Variants in CRACD observed in about 807,000 individuals in gnomAD.
The protein encoded by CRACD is capping protein inhibiting regulator of actin dynamics.
CRACD carries 56 observed loss-of-function variants against 106.8 expected under a neutral mutation model. The observed-to-expected ratio is 0.52, with a 90% CI of 0.42 to 0.66. CRACD has a LOEUF of 0.66. CRACD is among the 30% of genes least tolerant of loss of function. The pLI is 0.00. For missense variants in CRACD, 1,730 were observed against 1,623.2 expected, an observed-to-expected ratio of 1.07 and a Z score of -1.13; for synonymous variants, 754 against 670.8, an observed-to-expected ratio of 1.12 and a Z score of -1.92.
intron 1 of CRACD, among the ~76,000 whole-genome samples, chr4:56,098,408 TAC>T (rs1253951511): frequency 6.6e-6 from 1 of 152,250 alleles, no homozygotes; most frequent in African/African-American, 2.4e-5. Context: ...TAACTATATA[TAC>T]ATTTACACTA....
chr4:56,213,917 G>A (rs901449077), intron 2 of CRACD, among the ~76,000 whole-genome samples: 3 of 152,178 alleles, frequency 2.0e-5, no homozygotes, highest in Non-Finnish European at 2.9e-5. Flanking sequence ...ACTGAAATAC[G>A]TTTTTAGGAG....
intron 2 of CRACD, among the ~76,000 whole-genome samples, chr4:56,254,913 G>A (rs1287048055): frequency 2.6e-5 from 4 of 151,612 alleles, no homozygotes; most frequent in Admixed American, 2.0e-4. Context: ...AGACCAGCCT[G>A]GCCAACATGG....
intron 1 of CRACD, among the ~76,000 whole-genome samples, chr4:56,051,972 A>C (rs1433719487): frequency 3.3e-5 from 5 of 152,260 alleles, no homozygotes; most frequent in African/African-American, 1.2e-4. Flanking sequence ...GGCATAGCAC[A>C]ATGTTTAGTA....
At chr4:56,217,587 A>G (rs1738777016) in intron 2 of CRACD, among the ~76,000 whole-genome samples, 1 of 152,176 alleles carries the variant, frequency 6.6e-6, no homozygotes, top group African/African-American at 2.4e-5. Flanking sequence ...TCTTATGCAG[A>G]TGGAGCCTCC....
chr4:56,306,391 G>A (rs1009742271), intron 4 of CRACD, among the ~76,000 whole-genome samples: 8 of 152,106 alleles, frequency 5.3e-5, no homozygotes, highest in Non-Finnish European at 1.5e-5. Flanking sequence ...CTACTTGGAA[G>A]GCTGAGGTGG....
At chr4:56,104,391 G>A (rs938511612) in intron 1 of CRACD, among the ~76,000 whole-genome samples, 1 of 142,834 alleles carries the variant, frequency 7.0e-6, no homozygotes, top group Admixed American at 7.2e-5. Flanking sequence ...GAGAGACCCT[G>A]TCTCAAAAAA....
intron 2 of CRACD, among the ~76,000 whole-genome samples, chr4:56,189,183 CAA>C (rs538002429): frequency 7.8e-6 from 1 of 127,724 alleles, no homozygotes. Context: ...GCCACTGTCT[CAA>C]AAAAAAAAAA....
chr4:56,060,279 A>G (rs1379511560), intron 1 of CRACD, among the ~76,000 whole-genome samples: 3 of 151,936 alleles, frequency 2.0e-5, no homozygotes, highest in Non-Finnish European at 4.4e-5. Flanking sequence ...AGAATGTAAA[A>G]ATAACGAACT....
Position 56,315,787 on chromosome 4 carries a change from C to T in CRACD, c.2285C>T (p.Pro762Leu). Residue 762 changes from proline (P) to leucine (L), a missense_variant, in exon 8 of 11, where the codon CCT becomes CTT. Pro to Leu is a moderately conservative substitution (Grantham distance 98). Coordinates refer to ENST00000682029, the MANE Select transcript of CRACD (RefSeq NM_001393381.1). This position sits in a 1 kb window ranked among gnomAD's most constrained non-coding sequence, Gnocchi z 4.1. ...AGCGAAGAGACAGCCCCCCAGCCTCCTCCTGCTGGTGTTCGCGAGCTCGGG... is the reference window on the plus strand; with the variant it reads ...AGCGAAGAGACAGCCCCCCAGCCTCTTCCTGCTGGTGTTCGCGAGCTCGGG... ...GPSEETAPQP[P>L]PAGVRELGKG... 1 of 1,614,234 alleles carries T rather than the reference C, an allele frequency of 6.2e-7. No individual in the cohort carries two copies. Among genetic ancestry groups the T allele is most frequent in the Non-Finnish European group, 8.5e-7 (1 of 1,180,044 alleles).
chr4:56,308,380 A>T (rs1716612045), intron 5 of CRACD, among the ~76,000 whole-genome samples: 1 of 152,074 alleles, frequency 6.6e-6, no homozygotes, highest in South Asian at 2.1e-4. Context: ...AGCAGAAAAG[A>T]TGCCCTTAGA....
chr4:56,178,503 CT>C (rs1296203733), intron 1 of CRACD, among the ~76,000 whole-genome samples: 1 of 152,178 alleles, frequency 6.6e-6, no homozygotes, highest in Non-Finnish European at 1.5e-5. Flanking sequence ...TTAAAAATAA[CT>C]TTTGTCCAGC....
At chr4:56,270,791 A>G (rs1044708224) in intron 2 of CRACD, among the ~76,000 whole-genome samples, 3 of 152,098 alleles carry the variant, frequency 2.0e-5, no homozygotes, top group African/African-American at 7.2e-5. Context: ...GGGTTAAAAC[A>G]TGTTTTTAGG....
chr4:56,106,338 T>C (rs993423077), intron 1 of CRACD, among the ~76,000 whole-genome samples: 3 of 152,208 alleles, frequency 2.0e-5, no homozygotes, highest in Non-Finnish European at 4.4e-5. Flanking sequence ...AAGAGCACAG[T>C]AAGAGGAGAC....
intron 1 of CRACD, among the ~76,000 whole-genome samples, chr4:56,049,545 C>A (rs1035953006): frequency 6.6e-6 from 1 of 152,122 alleles, no homozygotes; most frequent in Non-Finnish European, 1.5e-5. Flanking sequence ...CGCAGGGGAA[C>A]CTGCCGCCGG....
At chr4:56,297,230 G>A (rs1038182304) in intron 3 of CRACD, among the ~76,000 whole-genome samples, 5 of 152,068 alleles carry the variant, frequency 3.3e-5, no homozygotes, top group East Asian at 1.9e-4. Flanking sequence ...ATGAGCCACC[G>A]TGCCTGGCTG....
intron 3 of CRACD, among the ~76,000 whole-genome samples, chr4:56,281,198 C>T (rs1413444314): frequency 6.6e-6 from 1 of 152,064 alleles, no homozygotes; most frequent in Admixed American, 6.6e-5. Context: ...GCTCCACCTC[C>T]TATCAGATCA....
chr4:56,220,476 TG>T lies in CRACD; in HGVS notation c.-189+41048del, dbSNP rs748416978. ...AGTCAGATAGCCTGCTGGGGCCTGC[TG>T]GAAGAACGGTACAAGCCTCCCTGCA... On this transcript the variant is annotated intron_variant, in intron 2 of 10. Coordinates refer to ENST00000682029, the MANE Select transcript of CRACD (RefSeq NM_001393381.1). 9.2e-5 allele frequency among the ~76,000 whole-genome samples: 14 copies of T among 152,326 alleles called. No individual in the cohort carries two copies. The South Asian group carries it at 2.9e-3, about 32-fold the overall frequency.
rs561899303 is a variant in CRACD at position 56,307,386 on chromosome 4, C to T, written c.121-149C>T. ...AACAAATTAACTTATTACAGGATGG[C>T]ATCATGGTTTCCTGGCATGGTGTTG... is the stretch of plus-strand genomic sequence containing the variant. On this transcript the variant is annotated intron_variant, in intron 4 of 10. Transcript: ENST00000682029. The T allele has an allele frequency of 1.0e-4, 62 of 613,366 alleles. 1 individual carries two copies. Among genetic ancestry groups the T allele is most frequent in the South Asian group, 8.3e-4 (30 of 36,114 alleles). The allele number at this position is 613,366 out of a possible 1,614,324, so 38.0% of individuals were successfully genotyped here.
intron 1 of CRACD, among the ~76,000 whole-genome samples, chr4:56,168,639 A>G (rs1736242692): frequency 6.7e-6 from 1 of 149,874 alleles, no homozygotes; most frequent in Non-Finnish European, 1.5e-5. Context: ...TGATGGATAT[A>G]TATAATATTA....
Sources: allele counts gnomAD v4.1 joint callset (sites outside exome capture counted in the v4.1 genomes callset), GRCh38; gene constraint gnomAD v4.1.1; non-coding constraint Gnocchi (gnomAD v3.1); transcripts MANE v1.5; gene names NCBI Gene and HGNC (gene_info 2026-07-23, HGNC 2026-07-21).